Variants in FAM13A observed in about 807,000 individuals in gnomAD.
FAM13A encodes protein FAM13A.
FAM13A carries 76 observed loss-of-function variants against 129.6 expected under a neutral mutation model. The observed-to-expected ratio is 0.59, with a 90% confidence interval of 0.49 to 0.71. The LOEUF is 0.71. FAM13A is among the 30% of genes least tolerant of loss of function. The pLI, the probability that FAM13A is intolerant of heterozygous loss-of-function variation, is 0.00. For synonymous variants in FAM13A, 443 were observed against 449.9 expected, an observed-to-expected ratio of 0.98 and a Z score of 0.20; for missense variants, 1,108 against 1,249.3, an observed-to-expected ratio of 0.89 and a Z score of 1.70.
chr4:88,887,232 T>G (rs1274712957), intron 6 of FAM13A, among the ~76,000 whole-genome samples: 1 of 152,104 alleles, frequency 6.6e-6, no homozygotes, highest in Non-Finnish European at 1.5e-5. Context: ...AAATCACCAC[T>G]AAAGAACTTG....
intron 3 of FAM13A, among the ~76,000 whole-genome samples, chr4:89,001,804 G>C (rs1247201642): frequency 1.3e-5 from 2 of 152,182 alleles, no homozygotes; most frequent in African/African-American, 4.8e-5. Flanking sequence ...TGAAGAAAGA[G>C]AAAGCCCTAA....
At chr4:88,739,750 G>C (rs903210407) in intron 19 of FAM13A, among the ~76,000 whole-genome samples, 1 of 133,698 alleles carries the variant, frequency 7.5e-6, no homozygotes, top group Admixed American at 8.3e-5. Flanking sequence ...TCACACAACT[G>C]CACTCCAGCC....
rs1439092754 is a variant in FAM13A, at chr4:88,922,525, C to A, written c.759+15563G>T. On this transcript the variant is annotated intron_variant, in intron 5 of 23. Transcript: ENST00000264344. ...CAACGAGAACAAAGACACAACATAC[C>A]AGAATCTCTGGGACACATTCAAAGC... Among the ~76,000 whole-genome samples the A allele has an allele frequency of 3.3e-5, 5 of 151,746 alleles. No individual in the cohort carries two copies. In the East Asian group the frequency reaches 7.7e-4, roughly 23 times the overall value.
intron 2 of FAM13A, among the ~76,000 whole-genome samples, chr4:89,026,593 G>T (rs1182224023): frequency 6.6e-6 from 1 of 152,172 alleles, no homozygotes; most frequent in Non-Finnish European, 1.5e-5. Flanking sequence ...GGAAAGCGAG[G>T]CACCTTCTTC....
chr4:88,803,766 T>C (rs1578735275), intron 8 of FAM13A, among the ~76,000 whole-genome samples: 1 of 152,184 alleles, frequency 6.6e-6, no homozygotes, highest in African/African-American at 2.4e-5. Flanking sequence ...TTATGCAATA[T>C]GCTGCAAGTC....
chr4:88,941,636 T>A (rs998177211), intron 4 of FAM13A, among the ~76,000 whole-genome samples: 1 of 152,198 alleles, frequency 6.6e-6, no homozygotes, highest in African/African-American at 2.4e-5. Context: ...TGAGACTCCT[T>A]GAGGAACACA....
intron 6 of FAM13A, among the ~76,000 whole-genome samples, chr4:88,867,649 G>A (rs1260964055): frequency 1.3e-5 from 2 of 152,170 alleles, no homozygotes; most frequent in East Asian, 1.9e-4. Flanking sequence ...GAGGACTACT[G>A]TACTATATTT....
chr4:88,848,320 C>T (rs894310528), intron 7 of FAM13A, among the ~76,000 whole-genome samples: 10 of 152,162 alleles, frequency 6.6e-5, no homozygotes, highest in South Asian at 2.1e-4. Flanking sequence ...CAGCTGGTCT[C>T]TGGATTCCCT....
chr4:88,978,228 A>G (rs1210808190), intron 4 of FAM13A, among the ~76,000 whole-genome samples: 1 of 152,212 alleles, frequency 6.6e-6, no homozygotes, highest in Non-Finnish European at 1.5e-5. Flanking sequence ...GAAGTGTTAC[A>G]AGTTCTATTT....
chr4:88,733,575 T>A (rs747782455), intron 21 of FAM13A, among the ~76,000 whole-genome samples: 1 of 152,196 alleles, frequency 6.6e-6, no homozygotes, highest in Non-Finnish European at 1.5e-5. Context: ...ACACTGGCTG[T>A]GCACATCAGT....
In FAM13A at chr4:88,737,389, C is replaced by A; in HGVS notation, c.2646+83G>T. On this transcript the variant is annotated intron_variant, in intron 21 of 23. Coordinates refer to ENST00000264344, the MANE Select transcript of FAM13A (RefSeq NM_014883.4). ...CCACCACCAAAAGGCCCGATCACAC[C>A]CCCTTTCCATTCACCGGAGGGGAGG... The A allele has an allele frequency of 5.1e-6, 6 of 1,184,252 alleles. No homozygotes were observed. In the South Asian group the frequency reaches 6.1e-5, roughly 12 times the overall value. 73.4% of individuals were successfully genotyped at this position (1,184,252 alleles called of 1,614,324 possible). A position where few individuals can be genotyped will look rare whatever the true frequency, so the allele number is the denominator to read the frequency against.
At chr4:88,993,272 T>C (rs555686122) in intron 3 of FAM13A, among the ~76,000 whole-genome samples, 16 of 152,370 alleles carry the variant, frequency 1.1e-4, no homozygotes, top group Admixed American at 2.6e-4. Context: ...CTTTATATTA[T>C]GAAAATAAAC....
At chr4:89,036,446 A>G (rs1379080984) in intron 1 of FAM13A, among the ~76,000 whole-genome samples, 2 of 152,242 alleles carry the variant, frequency 1.3e-5, no homozygotes, top group Non-Finnish European at 2.9e-5. Context: ...ATGCATGAGC[A>G]AAGAGATTAT....
chr4:88,922,389 T>A (rs942821523), intron 5 of FAM13A, among the ~76,000 whole-genome samples: 3 of 152,076 alleles, frequency 2.0e-5, no homozygotes, highest in African/African-American at 7.2e-5. Flanking sequence ...AACTCAGGAT[T>A]AAGAAACTCA....
At position 88,728,423 on chromosome 4, in the gene FAM13A, G is replaced by A; in HGVS notation, c.*110C>T. On this transcript the variant is annotated 3_prime_UTR_variant, in exon 24 of 24. Transcript: ENST00000264344. The stretch of plus-strand genomic sequence containing the variant: ...TGCCAAATGGTCTAGAGGCAGAAGG[G>A]CTGCATGCTTTGCAGGGCCAGCCCC... 2 of 1,346,444 alleles carry A rather than the reference G, an allele frequency of 1.5e-6. No homozygotes were observed. The highest frequency in any genetic ancestry group is 4.6e-5 in the East Asian group (2 of 43,228). The allele number at this position is 1,346,444 out of a possible 1,614,324, so 83.4% of individuals were successfully genotyped here.
chr4:88,781,850 G>A (rs890984476), intron 10 of FAM13A, among the ~76,000 whole-genome samples: 1 of 149,612 alleles, frequency 6.7e-6, no homozygotes, highest in Non-Finnish European at 1.5e-5. Context: ...TGGGGTGGGG[G>A]GAGCGGGGAG....
At chr4:88,976,305 T>C (rs1760895470) in intron 4 of FAM13A, among the ~76,000 whole-genome samples, 2 of 152,180 alleles carry the variant, frequency 1.3e-5, no homozygotes, top group Admixed American at 1.3e-4. Context: ...CAGATAATGA[T>C]GGACTCAAGG....
intron 13 of FAM13A, among the ~76,000 whole-genome samples, chr4:88,763,523 G>A (rs1408644911): frequency 1.3e-5 from 2 of 152,164 alleles, no homozygotes; most frequent in African/African-American, 4.8e-5. Flanking sequence ...TTCAGGTCAA[G>A]GAGCCATTAA....
intron 11 of FAM13A, among the ~76,000 whole-genome samples, chr4:88,780,090 G>C (rs939415512): frequency 3.3e-5 from 5 of 152,122 alleles, no homozygotes; most frequent in African/African-American, 9.7e-5. Context: ...TTTATTTTGA[G>C]AATTGTACCA....
Sources: allele counts gnomAD v4.1 joint callset (sites outside exome capture counted in the v4.1 genomes callset), GRCh38; gene constraint gnomAD v4.1.1; transcripts MANE v1.5; gene names NCBI Gene and HGNC (gene_info 2026-07-23, HGNC 2026-07-21).